HAAO: variants seen among roughly 807,000 people sequenced by gnomAD.
HAAO encodes the protein 3-hydroxyanthranilate oxygenase.
HAAO carries 49 observed loss-of-function variants against 46.2 expected under a neutral mutation model. The ratio of observed to expected loss-of-function variants is 1.06; its 90% CI spans 0.84 to 1.34. The LOEUF (loss-of-function observed/expected upper bound fraction) is 1.34. Among genes scored for constraint, HAAO ranks in the 40% most tolerant of loss-of-function variants. HAAO has a pLI of 0.00. For synonymous variants in HAAO, 157 were observed against 145.2 expected, an observed-to-expected ratio of 1.08 and a Z score of -0.58; for missense variants, 408 against 364.5, an observed-to-expected ratio of 1.12 and a Z score of -0.97.
chr2:42,786,786 C>G (rs969473032), intron 2 of HAAO, among the ~76,000 whole-genome samples: 1 of 152,130 alleles, frequency 6.6e-6, no homozygotes, highest in Admixed American at 6.5e-5. Flanking sequence ...GCTGGAGGTA[C>G]CCTGACCGCT....
rs535303512 is a variant in HAAO, at chr2:42,788,336, G to A, written c.159+193C>T. Among the ~76,000 whole-genome samples the A allele has an allele frequency of 2.0e-5, 3 of 152,330 alleles. No homozygotes were observed. In the South Asian group the frequency reaches 6.2e-4, roughly 32 times the overall value. On this transcript the variant is annotated intron_variant, in intron 2 of 9. Coordinates refer to ENST00000294973, the MANE Select transcript of HAAO (RefSeq NM_012205.3). ...CAGCAGAGGTGCTAGCTGTGGAGGCGTCACTGCCTGACCACCAGCTTGGAG... is the reference window on the plus strand; with the variant it reads ...CAGCAGAGGTGCTAGCTGTGGAGGCATCACTGCCTGACCACCAGCTTGGAG...
rs1440967627 is a variant in HAAO at position 42,792,479 on chromosome 2, G to GC, written c.57dup (p.Pro20AlafsTer33). 2 of 1,589,654 alleles carry GC rather than the reference G, an allele frequency of 1.3e-6. No individual in the cohort carries two copies. Among genetic ancestry groups the GC allele is most frequent in the African/African-American group, 2.7e-5 (2 of 72,782 alleles). On this transcript the variant is annotated frameshift_variant, in exon 1 of 10. Transcript: ENST00000294973. LOFTEE classifies it high-confidence loss of function. Reference sequence around the variant, plus strand: ...CACATGAGCTTGTTGCAGACCGGGGGCTGGAAGGAGCCCCGGTTCTCCTTC... The same window carrying GC: ...CACATGAGCTTGTTGCAGACCGGGGGCCTGGAAGGAGCCCCGGTTCTCCTTC...
At chr2:42,777,697 ATACT>A (rs1391793080) in intron 4 of HAAO, among the ~76,000 whole-genome samples, 3 of 152,242 alleles carry the variant, frequency 2.0e-5, no homozygotes, top group Non-Finnish European at 2.9e-5. Flanking sequence ...AATAGGATAA[ATACT>A]TGTAGACAAA....
At position 42,792,561 on chromosome 2, in the gene HAAO, G is replaced by A; in HGVS notation, c.-25C>T. Reference sequence around the variant, plus strand: ...TGACTGTCCCGGGCGCCTCCTCGCAGCGCTGTCCTCCCGCCGTCGGAGGCC... The same window carrying A: ...TGACTGTCCCGGGCGCCTCCTCGCAACGCTGTCCTCCCGCCGTCGGAGGCC... On this transcript the variant is annotated 5_prime_UTR_variant, in exon 1 of 10. Transcript: ENST00000294973. 6.6e-7 allele frequency: 1 copy of A among 1,511,088 alleles called. No homozygotes were observed. The highest frequency in any genetic ancestry group is 8.9e-7 in the Non-Finnish European group (1 of 1,129,716). The allele number at this position is 1,511,088 out of a possible 1,614,324, so 93.6% of individuals were successfully genotyped here. A position where few individuals can be genotyped will look rare whatever the true frequency, so the allele number is the denominator to read the frequency against.
Position 42,767,139 on chromosome 2 carries a change from G to A in HAAO, c.*298C>T, listed in dbSNP as rs906968875. 22 of 525,714 alleles carry A rather than the reference G, an allele frequency of 4.2e-5. No homozygotes were observed. The highest frequency in any genetic ancestry group is 6.9e-5 in the Non-Finnish European group (20 of 288,368). 32.6% of individuals were successfully genotyped at this position (525,714 alleles called of 1,614,324 possible). A position where few individuals can be genotyped will look rare whatever the true frequency, so the allele number is the denominator to read the frequency against. On this transcript the variant is annotated 3_prime_UTR_variant, in exon 10 of 10. Transcript: ENST00000294973. The stretch of plus-strand genomic sequence containing the variant: ...AGGGCCTTCTTGGTGTGGAAGTGCT[G>A]CACTGAGTCTGCAGGGACAGAGGAA...
intron 2 of HAAO, 30 bp from the exon 3 acceptor site, chr2:42,783,897 C>G (rs1357256253): frequency 4.4e-6 from 7 of 1,590,106 alleles, no homozygotes; most frequent in Non-Finnish European, 6.0e-6. Context: ...CTTGGACCCT[C>G]CGCACTTTCT....
intron 1 of HAAO, chr2:42,789,147 G>A (rs772025813): frequency 5.9e-6 from 1 of 168,348 alleles, no homozygotes; most frequent in Non-Finnish European, 1.3e-5. Flanking sequence ...ACAGGCCCTG[G>A]GGCATGTTAC....
chr2:42,781,967 A>T (rs1047646097), intron 4 of HAAO, among the ~76,000 whole-genome samples: 2 of 152,220 alleles, frequency 1.3e-5, no homozygotes, highest in African/African-American at 4.8e-5. Context: ...TGTCTTTAGT[A>T]AAAAGGGGAA....
chr2:42,767,995 GC>G, intron 7 of HAAO, 67 bp from the exon 8 acceptor site: 5 of 1,393,026 alleles, frequency 3.6e-6, no homozygotes, highest in Non-Finnish European at 4.1e-6. Flanking sequence ...CTTGAACCTG[GC>G]CCCCAGACAC....
chr2:42,774,047 TC>T (rs1294253185), intron 4 of HAAO, among the ~76,000 whole-genome samples: 1 of 152,220 alleles, frequency 6.6e-6, no homozygotes, highest in Non-Finnish European at 1.5e-5. Flanking sequence ...CTTTGAGTCA[TC>T]CTGCTTTTGC....
intron 6 of HAAO, 121 bp from the exon 7 acceptor site, chr2:42,769,979 T>C: frequency 8.2e-7 from 1 of 1,212,378 alleles, no homozygotes; most frequent in Non-Finnish European, 1.2e-6. Flanking sequence ...TCCAGCTCAA[T>C]GATCAAGCAG....
chr2:42,781,733 G>A (rs989035610), intron 4 of HAAO, among the ~76,000 whole-genome samples: 1 of 152,148 alleles, frequency 6.6e-6, no homozygotes, highest in Admixed American at 6.5e-5. Context: ...AATTAGCCGG[G>A]TGTGGTGGCG....
At chr2:42,769,921 C>T in intron 6 of HAAO, 63 bp from the exon 7 acceptor site, 7 of 1,521,170 alleles carry the variant, frequency 4.6e-6, no homozygotes, top group Non-Finnish European at 6.2e-6. Flanking sequence ...CCCCAGTGGG[C>T]CCAGTTCCCA....
At chr2:42,769,600 TGTGTGA>T (rs1423300337) in intron 7 of HAAO, 107 bp downstream of exon 7, 24 of 708,012 alleles carry the variant, frequency 3.4e-5, no homozygotes, top group African/African-American at 2.9e-4. Flanking sequence ...TGTGTGTGTG[TGTGTGA>T]GTGTGTGTGT....
chr2:42,788,683 A>G (rs1672569245), intron 1 of HAAO, 76 bp from the exon 2 acceptor site: 2 of 964,428 alleles, frequency 2.1e-6, no homozygotes, highest in Non-Finnish European at 3.4e-6. Flanking sequence ...CGTGGGGGCC[A>G]GGAGGGAGCC....
chr2:42,781,089 A>G (rs572382650), intron 4 of HAAO, among the ~76,000 whole-genome samples: 1 of 152,154 alleles, frequency 6.6e-6, no homozygotes, highest in Admixed American at 6.5e-5. Context: ...AAAAAAACAC[A>G]ACAATTTAGT....
At chr2:42,791,474 T>C (rs1672793541) in intron 1 of HAAO, among the ~76,000 whole-genome samples, 1 of 151,398 alleles carries the variant, frequency 6.6e-6, no homozygotes, top group Admixed American at 6.6e-5. Context: ...TGGGGAGATA[T>C]TGACTGTTGG....
At chr2:42,788,957 T>C in intron 1 of HAAO, 1 of 309,772 alleles carries the variant, frequency 3.2e-6, no homozygotes, top group Admixed American at 3.9e-5. Context: ...TGAAGACCCC[T>C]TCCCAGGATG....
intron 4 of HAAO, chr2:42,783,071 A>T: frequency 1.8e-6 from 1 of 556,324 alleles, no homozygotes; most frequent in Non-Finnish European, 3.2e-6. Context: ...ATTCCAGCCA[A>T]AGTTCATCAG....
Sources: allele counts gnomAD v4.1 joint callset (sites outside exome capture counted in the v4.1 genomes callset), GRCh38; gene constraint gnomAD v4.1.1; transcripts MANE v1.5; gene names NCBI Gene and HGNC (gene_info 2026-07-23, HGNC 2026-07-21).